SETD2: variants seen among roughly 807,000 people sequenced by gnomAD.
SETD2 encodes the protein histone-lysine N-methyltransferase SETD2.
SETD2 carries 31 observed loss-of-function variants against 242.1 expected under a neutral mutation model. The observed-to-expected ratio is 0.13, with a 90% CI of 0.10 to 0.17. The LOEUF (loss-of-function observed/expected upper bound fraction) is 0.17, where lower values mean the gene tolerates loss of function less well. Among genes scored for constraint, SETD2 ranks in the 10% least tolerant of loss-of-function variants. SETD2 has a pLI of 1.00. For missense variants in SETD2, 2,481 were observed against 3,046.3 expected (o/e 0.81, Z 4.37); for synonymous variants, 1,006 against 1,066.5 (o/e 0.94, Z 1.11).
At chr3:47,161,003 C>T (rs910593406) in intron 1 of SETD2, among the ~76,000 whole-genome samples, 33 of 152,172 alleles carry the variant, frequency 2.2e-4, no homozygotes, top group African/African-American at 6.8e-4. Flanking sequence ...GAACATCAGA[C>T]GCTAAGTGTT....
At position 47,123,136 on chromosome 3, in the gene SETD2, A is replaced by G. The variant is rs963502617; in HGVS notation, c.1500T>C (p.Ser500=). 1 of 1,613,544 alleles carries G rather than the reference A, an allele frequency of 6.2e-7. No homozygotes were observed. Among genetic ancestry groups the G allele is most frequent in the East Asian group, 2.2e-5 (1 of 44,876 alleles). The change falls in exon 3 of 21, where the codon TCT becomes TCC. Residue 500 remains serine, a synonymous_variant. Coordinates refer to ENST00000409792, the MANE Select transcript of SETD2 (RefSeq NM_014159.7). ...TGCCTCTTCTTTCCATCTCTAAGTAAGAGGTCTCAGTTTTACAGTCCCGAT... is the reference window on the plus strand; with the variant it reads ...TGCCTCTTCTTTCCATCTCTAAGTAGGAGGTCTCAGTTTTACAGTCCCGAT... ...KSDRDCKTET[S]YLEMERRGKY...
chr3:47,163,868 C>T lies in SETD2; in HGVS notation c.57G>A (p.Glu19=). Residue 19 remains glutamate (E), a synonymous_variant, in exon 1 of 21, where the codon GAG becomes GAA. Transcript: ENST00000409792. ...CTGATACTTACTCAGGGGTCGGGTG[C>T]TCCGGGTCGTAGAAATCCCCCATCT... The part of the protein sequence containing the change: ...PPKMGDFYDP[E]HPTPEEEENE... 1.5e-6 allele frequency: 2 copies of T among 1,314,920 alleles called. No homozygotes were observed. Among genetic ancestry groups the T allele is most frequent in the Non-Finnish European group, 1.9e-6 (2 of 1,025,776 alleles). 81.5% of individuals were successfully genotyped at this position (1,314,920 alleles called of 1,614,324 possible). A position where few individuals can be genotyped will look rare whatever the true frequency, so the allele number is the denominator to read the frequency against.
At chr3:47,034,296 G>C (rs1174962126) in intron 18 of SETD2, among the ~76,000 whole-genome samples, 3 of 152,156 alleles carry the variant, frequency 2.0e-5, no homozygotes, top group Non-Finnish European at 4.4e-5. Flanking sequence ...TTAAGAGCTA[G>C]TATTAGGAGG....
chr3:47,052,370 A>C (rs2039884325), intron 15 of SETD2, among the ~76,000 whole-genome samples: 1 of 152,106 alleles, frequency 6.6e-6, no homozygotes, highest in Non-Finnish European at 1.5e-5. Flanking sequence ...ACAGGGTCTC[A>C]CTATGTTGCC....
At chr3:47,128,440 T>C (rs1276149572) in intron 1 of SETD2, among the ~76,000 whole-genome samples, 1 of 152,208 alleles carries the variant, frequency 6.6e-6, no homozygotes, top group Non-Finnish European at 1.5e-5. Context: ...CATTGGACTA[T>C]GTGGCAAGAC....
At position 47,105,987 on chromosome 3, in the gene SETD2, A is replaced by C. The variant is rs2042404462; in HGVS notation, c.4839+10T>G. On this transcript the variant is annotated intron_variant, in intron 6 of 20. Transcript: ENST00000409792. ...ATCTGTTTCAAGGCAAACATATCCA[A>C]GCTGCTTACCTCATCATTCTTCAGG... is the stretch of plus-strand genomic sequence containing the variant. The C allele has an allele frequency of 1.9e-6, 3 of 1,613,052 alleles. No individual in the cohort carries two copies. The highest frequency in any genetic ancestry group is 2.5e-6 in the Non-Finnish European group (3 of 1,179,434).
chr3:47,046,376 C>T (rs1053441680), intron 16 of SETD2, 111 bp downstream of exon 16: 20 of 834,550 alleles, frequency 2.4e-5, no homozygotes, highest in African/African-American at 2.0e-4. Flanking sequence ...ACAAAGAACA[C>T]GTGAAAAAAA....
At chr3:47,097,304 G>T (rs1449682574) in intron 9 of SETD2, among the ~76,000 whole-genome samples, 1 of 152,098 alleles carries the variant, frequency 6.6e-6, no homozygotes, top group African/African-American at 2.4e-5. Context: ...TCACATTTTT[G>T]AAAAACAGTG....
rs1049982695 is a variant in SETD2, at chr3:47,123,389, T to C, written c.1247A>G (p.Asn416Ser). ...HSRSERGSRT[N>S]LSYSRSERSH... Reference sequence around the variant, plus strand: ...TCGTTCTGACCTGGAATAGGATAAATTAGTTCTAGAGCCTCTCTCAGACCT... The same window carrying C: ...TCGTTCTGACCTGGAATAGGATAAACTAGTTCTAGAGCCTCTCTCAGACCT... Residue 416 changes from asparagine (N) to serine (S), a missense_variant, in exon 3 of 21, where the codon AAT (asparagine) becomes AGT (serine). Physicochemically the swap from Asn to Ser is conservative, Grantham distance 46. Coordinates refer to ENST00000409792, the MANE Select transcript of SETD2 (RefSeq NM_014159.7). 2.6e-6 allele frequency: 4 copies of C among 1,551,560 alleles called. No individual in the cohort carries two copies. In the African/African-American group the frequency reaches 5.5e-5, roughly 21 times the overall value.
At chr3:47,032,699 G>T (rs1233798331) in intron 18 of SETD2, among the ~76,000 whole-genome samples, 1 of 151,940 alleles carries the variant, frequency 6.6e-6, no homozygotes, top group Non-Finnish European at 1.5e-5. Flanking sequence ...ATCACCTGAG[G>T]TCAGGAGTTC....
chr3:47,065,462 C>T (rs1300527780), intron 13 of SETD2, among the ~76,000 whole-genome samples: 6 of 151,866 alleles, frequency 4.0e-5, no homozygotes, highest in Admixed American at 3.9e-4. Flanking sequence ...CATAAGTGAC[C>T]CTATTCCTTG....
At chr3:47,041,025 T>G (rs572860081) in intron 17 of SETD2, among the ~76,000 whole-genome samples, 4 of 152,310 alleles carry the variant, frequency 2.6e-5, no homozygotes, top group South Asian at 4.1e-4. Context: ...AGTAGTAAGA[T>G]TAGTGTCCCT....
intron 12 of SETD2, among the ~76,000 whole-genome samples, chr3:47,069,219 G>C (rs2040704924): frequency 6.6e-6 from 1 of 152,152 alleles, no homozygotes; most frequent in African/African-American, 2.4e-5. Flanking sequence ...GATGCTACCA[G>C]ACAGTCTAAC....
At chr3:47,048,238 A>T (rs1382731742) in intron 15 of SETD2, among the ~76,000 whole-genome samples, 1 of 152,074 alleles carries the variant, frequency 6.6e-6, no homozygotes, top group Non-Finnish European at 1.5e-5. Context: ...AAATACAAAA[A>T]ATTAGCCAGG....
intron 15 of SETD2, among the ~76,000 whole-genome samples, chr3:47,049,345 A>ATATATATG (rs1221844905): frequency 1.1e-3 from 122 of 110,944 alleles, no homozygotes; most frequent in Non-Finnish European, 1.9e-3. Flanking sequence ...ATATATATAT[A>ATATATATG]TATGTATTCT....
At position 47,118,526 on chromosome 3, in the gene SETD2, A is replaced by T. The variant is rs562635951; in HGVS notation, c.4454+1656T>A. ...CACCTGAGGTCAGGAGTTCGAGACC[A>T]GCCTGGCCAACATGGTGAAACCCAT... On this transcript the variant is annotated intron_variant, in intron 3 of 20. Transcript: ENST00000409792. Among the ~76,000 whole-genome samples, 3 of 152,210 alleles carry T rather than the reference A, an allele frequency of 2.0e-5. No homozygotes were observed. In the East Asian group the frequency reaches 5.8e-4, roughly 29 times the overall value.
At chr3:47,057,829 G>A (rs1377914800) in intron 14 of SETD2, among the ~76,000 whole-genome samples, 1 of 152,082 alleles carries the variant, frequency 6.6e-6, no homozygotes, top group Non-Finnish European at 1.5e-5. Context: ...AACAAAATAA[G>A]TGTCATAAAC....
intron 18 of SETD2, among the ~76,000 whole-genome samples, chr3:47,032,132 G>T (rs1438734380): frequency 1.3e-5 from 2 of 152,036 alleles, no homozygotes; most frequent in African/African-American, 4.8e-5. Flanking sequence ...AAACAGCTTT[G>T]ACCTTGTGGC....
chr3:47,155,824 GT>G (rs1226546268), intron 1 of SETD2, among the ~76,000 whole-genome samples: 1 of 151,682 alleles, frequency 6.6e-6, no homozygotes, highest in Non-Finnish European at 1.5e-5. Context: ...ATAAAAAAGT[GT>G]TTTTTTGTTT....
Sources: gnomAD v4.1 joint callset for allele counts (sites outside exome capture counted in the v4.1 genomes callset) on GRCh38, gnomAD v4.1.1 for gene constraint, MANE v1.5 for transcripts, NCBI Gene and HGNC (gene_info 2026-07-23, HGNC 2026-07-21) for gene names.